Variants in ZNF678 observed in about 807,000 individuals in gnomAD.
The protein encoded by ZNF678 is zinc finger protein 678.
Under a neutral mutation model 3.0 loss-of-function variants are expected in ZNF678, and 5 were observed. The ratio of observed to expected loss-of-function variants is 1.69; its 90% CI spans 0.88 to 3.56. ZNF678 has a LOEUF of 3.56. Among genes scored for constraint, ZNF678 ranks in the 30% most tolerant of loss-of-function variants. The pLI is 0.00. For missense variants in ZNF678, 593 were observed against 605.0 expected, an observed-to-expected ratio of 0.98 and a Z score of 0.21; for synonymous variants, 218 against 199.6, an observed-to-expected ratio of 1.09 and a Z score of -0.78.
rs114176166 is a variant in ZNF678, at chr1:227,624,436, A to T, written c.-163-22108A>T. Among the ~76,000 whole-genome samples the T allele has an allele frequency of 4.0e-3, 613 of 152,322 alleles. 5 individuals carry two copies. The highest frequency in any genetic ancestry group is 0.014 in the African/African-American group (565 of 41,570). On this transcript the variant is annotated intron_variant, in intron 1 of 3. Coordinates refer to ENST00000343776, the MANE Select transcript of ZNF678 (RefSeq NM_001367909.1). ...CGCTGAAAGAGATACTGAGAAATCC[A>T]TTCTTGATTCAAGCATTGCCACCTC... is the stretch of plus-strand genomic sequence containing the variant.
intron 1 of ZNF678, among the ~76,000 whole-genome samples, chr1:227,568,024 A>G (rs542547275): frequency 6.6e-6 from 1 of 152,286 alleles, no homozygotes; most frequent in African/African-American, 2.4e-5. Context: ...AGATCAGAGA[A>G]TGTTTCACCC....
In ZNF678 at chr1:227,655,789, A is replaced by AG; in HGVS notation, c.1540dup (p.Glu514GlyfsTer4). 3.8e-6 allele frequency: 6 copies of AG among 1,585,010 alleles called. No homozygotes were observed. Among genetic ancestry groups the AG allele is most frequent in the Non-Finnish European group, 5.1e-6 (6 of 1,168,710 alleles). On this transcript the variant is annotated frameshift_variant, in exon 4 of 4. Coordinates refer to ENST00000343776, the MANE Select transcript of ZNF678 (RefSeq NM_001367909.1). LOFTEE classifies it low-confidence loss of function (END_TRUNC). ...GTAAGTATAAGAGAATTTATACTGG[A>AG]GAGGAACCTGACAAATGTAAAAAAT... is the stretch of plus-strand genomic sequence containing the variant.
chr1:227,601,331 C>T (rs999761234), intron 1 of ZNF678, among the ~76,000 whole-genome samples: 5 of 152,066 alleles, frequency 3.3e-5, no homozygotes, highest in African/African-American at 4.8e-5. Context: ...GCAGTATGAC[C>T]ATTTTAATAA....
At position 227,620,349 on chromosome 1, in the gene ZNF678, A is replaced by G. The variant is rs147485708; in HGVS notation, c.-163-26195A>G. 5.9e-4 allele frequency among the ~76,000 whole-genome samples: 90 copies of G among 151,680 alleles called. 2 individuals are homozygous for G. The highest frequency in any genetic ancestry group is 2.0e-3 in the African/African-American group (81 of 41,278). Reference sequence around the variant, plus strand: ...AAGTTAACGTTACCATTAATATTCCACTTACATTGTGCTGAAAAAGTTTGT... The same window carrying G: ...AAGTTAACGTTACCATTAATATTCCGCTTACATTGTGCTGAAAAAGTTTGT... On this transcript the variant is annotated intron_variant, in intron 1 of 3. Transcript: ENST00000343776.
intron 1 of ZNF678, among the ~76,000 whole-genome samples, chr1:227,584,795 AC>A (rs1402897257): frequency 1.3e-5 from 2 of 152,138 alleles, no homozygotes; most frequent in Non-Finnish European, 1.5e-5. Flanking sequence ...AAGTGACCAA[AC>A]CAATTCTTGC....
chr1:227,589,228 T>G (rs1187821630), intron 1 of ZNF678, among the ~76,000 whole-genome samples: 1 of 151,846 alleles, frequency 6.6e-6, no homozygotes, highest in Non-Finnish European at 1.5e-5. Flanking sequence ...GCCTATGTGC[T>G]GAATGGTACT....
chr1:227,636,729 T>C (rs182111497), intron 1 of ZNF678, among the ~76,000 whole-genome samples: 10 of 152,264 alleles, frequency 6.6e-5, no homozygotes, highest in African/African-American at 2.4e-4. Flanking sequence ...AGGAGTAGCC[T>C]TGGGGGTGAG....
chr1:227,653,547 C>A (rs1659140198), intron 3 of ZNF678, among the ~76,000 whole-genome samples: 1 of 151,936 alleles, frequency 6.6e-6, no homozygotes, highest in Non-Finnish European at 1.5e-5. Context: ...ATGTTGTAAT[C>A]TTTGGTTCAT....
At position 227,610,760 on chromosome 1, in the gene ZNF678, C is replaced by A. The variant is rs147996529; in HGVS notation, c.-163-35784C>A. Among the ~76,000 whole-genome samples, 353 of 152,254 alleles carry A rather than the reference C, an allele frequency of 2.3e-3. 2 individuals carry two copies. Among genetic ancestry groups the A allele is most frequent in the African/African-American group, 7.7e-3 (318 of 41,546 alleles). On this transcript the variant is annotated intron_variant, in intron 1 of 3. Transcript: ENST00000343776. ...GAAACCGGTACAGCTTTCCAACCCCCCTAAGGTGATCAACACCCTATAATA... is the reference window on the plus strand; with the variant it reads ...GAAACCGGTACAGCTTTCCAACCCCACTAAGGTGATCAACACCCTATAATA...
intron 1 of ZNF678, among the ~76,000 whole-genome samples, chr1:227,593,879 T>G (rs1165957918): frequency 6.9e-6 from 1 of 145,692 alleles, no homozygotes; most frequent in Non-Finnish European, 1.5e-5. Context: ...TTTTTTTTTT[T>G]TTGATGTACG....
At chr1:227,618,128 T>C (rs1281394238) in intron 1 of ZNF678, among the ~76,000 whole-genome samples, 2 of 152,238 alleles carry the variant, frequency 1.3e-5, no homozygotes, top group Non-Finnish European at 2.9e-5. Context: ...GCGCCTGCCC[T>C]GAGTTGCCTT....
chr1:227,608,542 T>C (rs1237394225), intron 1 of ZNF678, among the ~76,000 whole-genome samples: 1 of 152,174 alleles, frequency 6.6e-6, no homozygotes, highest in South Asian at 2.1e-4. Flanking sequence ...CTACAAATTA[T>C]TACTAATATA....
chr1:227,666,444 G>C (rs6660432), downstream of ZNF678, among the ~76,000 whole-genome samples: 105,220 of 152,114 alleles, frequency 0.69, 37,765 homozygotes, highest in African/African-American at 0.89. Context: ...TCTATAGTCA[G>C]CGTTCACTAA....
chr1:227,663,171 T>C (rs1659443296), downstream of ZNF678, among the ~76,000 whole-genome samples: 1 of 152,234 alleles, frequency 6.6e-6, no homozygotes, highest in Non-Finnish European at 1.5e-5. Context: ...GTCAGGTTCC[T>C]AGCCTCCAAA....
At chr1:227,617,153 G>A (rs1484140984) in intron 1 of ZNF678, among the ~76,000 whole-genome samples, 1 of 152,152 alleles carries the variant, frequency 6.6e-6, no homozygotes, top group Admixed American at 6.5e-5. Flanking sequence ...GGCCTATTAG[G>A]CCTTGGTAGA....
In ZNF678 at chr1:227,638,235, T is replaced by C. The variant is rs759469440; in HGVS notation, c.-163-8309T>C. On this transcript the variant is annotated intron_variant, in intron 1 of 3. Transcript: ENST00000343776. This position sits in a 1 kb window ranked among gnomAD's most constrained non-coding sequence, Gnocchi z 4.2. ...TAAAGGAATTGTGAAAAAAAGCATC[T>C]TTTATGTTTAGAATAGAAAAATGGG... Among the ~76,000 whole-genome samples, 2 of 152,182 alleles carry C rather than the reference T, an allele frequency of 1.3e-5. No individual in the cohort carries two copies. Among genetic ancestry groups the C allele is most frequent in the Non-Finnish European group, 2.9e-5 (2 of 68,032 alleles).
chr1:227,653,990 G>T (rs1182555313), intron 3 of ZNF678, among the ~76,000 whole-genome samples: 1 of 151,944 alleles, frequency 6.6e-6, no homozygotes, highest in African/African-American at 2.4e-5. Flanking sequence ...TTGCTTTGAG[G>T]GAGAAGCCAG....
intron 1 of ZNF678, among the ~76,000 whole-genome samples, chr1:227,602,722 C>T (rs1465734792): frequency 6.6e-6 from 1 of 152,202 alleles, no homozygotes; most frequent in African/African-American, 2.4e-5. Flanking sequence ...CTAGCACTTT[C>T]CTGACTGTGC....
intron 1 of ZNF678, among the ~76,000 whole-genome samples, chr1:227,566,240 G>T (rs1244852074): frequency 6.6e-6 from 1 of 152,120 alleles, no homozygotes; most frequent in Non-Finnish European, 1.5e-5. Flanking sequence ...GATGTCCTGG[G>T]GCTGAGAGAA....
Sources: gnomAD v4.1 joint callset for allele counts (sites outside exome capture counted in the v4.1 genomes callset) on GRCh38, gnomAD v4.1.1 for gene constraint, Gnocchi (gnomAD v3.1) non-coding constraint, MANE v1.5 for transcripts, NCBI Gene and HGNC (gene_info 2026-07-23, HGNC 2026-07-21) for gene names.